Variants in CELF4 observed in about 807,000 individuals in gnomAD.
The protein encoded by CELF4 is CUGBP Elav-like family member 4.
Under a neutral mutation model 59.9 loss-of-function variants are expected in CELF4, and 18 were observed. That is an observed-to-expected ratio of 0.30 (90% CI 0.21 to 0.45). The LOEUF is 0.45. Ranked by LOEUF, CELF4 falls within the 20% of genes least tolerant of loss-of-function variation. The pLI, the probability that CELF4 is intolerant of heterozygous loss-of-function variation, is 1.00. For synonymous variants in CELF4, 261 were observed against 267.1 expected, an observed-to-expected ratio of 0.98 and a Z score of 0.22; for missense variants, 456 against 689.0, an observed-to-expected ratio of 0.66 and a Z score of 3.79.
chr18:37,425,361 A>G (rs2099605308), intron 2 of CELF4, among the ~76,000 whole-genome samples: 1 of 152,218 alleles, frequency 6.6e-6, no homozygotes, highest in African/African-American at 2.4e-5. Context: ...CCGGGGCTCT[A>G]ACCCTTCCCT....
chr18:37,271,030 C>T, intron 7 of CELF4, 113 bp from the exon 8 acceptor site: 1 of 896,892 alleles, frequency 1.1e-6, no homozygotes, highest in East Asian at 2.7e-5. Flanking sequence ...TGCGGATAGA[C>T]TTGGACCTCA....
At chr18:37,318,221 C>A (rs927286938) in intron 3 of CELF4, among the ~76,000 whole-genome samples, 1 of 151,974 alleles carries the variant, frequency 6.6e-6, no homozygotes, top group African/African-American at 2.4e-5. Flanking sequence ...GGCTTCTGCT[C>A]CCCTCGCACC....
intron 2 of CELF4, among the ~76,000 whole-genome samples, chr18:37,374,185 A>G (rs2098937664): frequency 6.6e-6 from 1 of 151,856 alleles, no homozygotes; most frequent in South Asian, 2.1e-4. Flanking sequence ...CCACCTCTTC[A>G]CTCTCCACCT....
chr18:37,269,669 T>C (rs4799438), intron 8 of CELF4, among the ~76,000 whole-genome samples: 21,619 of 152,256 alleles, frequency 0.14, 1,986 homozygotes, highest in South Asian at 0.2. Context: ...TTCCTGCCCA[T>C]CTGTTAATGC....
rs145348116 is a variant in CELF4 at position 37,457,161 on chromosome 18, CT to C, written c.369+28363del. On this transcript the variant is annotated intron_variant, in intron 2 of 12. Transcript: ENST00000420428. The stretch of plus-strand genomic sequence containing the variant: ...AGAGCAGGAGGGCCTCTGAGTGTCT[CT>C]GGTTCTCCTCTTGGGACAAGGCCCT... Among the ~76,000 whole-genome samples the C allele has an allele frequency of 4.4e-3, 667 of 152,288 alleles. 5 individuals are homozygous for C. The highest frequency in any genetic ancestry group is 0.015 in the African/African-American group (639 of 41,558).
At position 37,556,701 on chromosome 18, in the gene CELF4, C is replaced by T. The variant is rs979588794; in HGVS notation, c.286+8655G>A. ...CAGACAGCCTCACTTGTCATGGATG[C>T]CCCCTTGCTTGTCCCTGTAAAGGGA... On this transcript the variant is annotated intron_variant, in intron 1 of 12. Transcript: ENST00000420428. 5.3e-5 allele frequency among the ~76,000 whole-genome samples: 8 copies of T among 152,076 alleles called. No homozygotes were observed. The South Asian group carries it at 6.2e-4, about 12-fold the overall frequency.
chr18:37,263,532 T>C lies in CELF4; in HGVS notation c.1249+1142A>G, dbSNP rs561530887. Reference sequence around the variant, plus strand: ...CCATAGGGGTAGAGAGGATGGGACCTTGTTAGTGTCCTGCCCCCTCAAGCT... The same window carrying C: ...CCATAGGGGTAGAGAGGATGGGACCCTGTTAGTGTCCTGCCCCCTCAAGCT... On this transcript the variant is annotated intron_variant, in intron 10 of 12. Transcript: ENST00000420428. Among the ~76,000 whole-genome samples, 6 of 152,166 alleles carry C rather than the reference T, an allele frequency of 3.9e-5. No homozygotes were observed. In the South Asian group the frequency reaches 1.2e-3, roughly 32 times the overall value.
chr18:37,274,373 G>C lies in CELF4; in HGVS notation c.739C>G (p.Gln247Glu). The C allele has an allele frequency of 6.2e-7, 1 of 1,613,532 alleles. No individual in the cohort carries two copies. Among genetic ancestry groups the C allele is most frequent in the Non-Finnish European group, 8.5e-7 (1 of 1,179,954 alleles). ...TMRRMQQMAG[Q>E]MGMFNPMAIP... is the part of the protein sequence containing the mutation. ...GCCATGGGGTTGAACATGCCCATCT[G>C]GCCAGCCATCTGCTGCATTCGCCGC... The change falls in exon 6 of 13, where the codon CAG (glutamine) becomes GAG (glutamate). Residue 247 changes from glutamine to glutamate, a missense_variant. Physicochemically the swap from Gln to Glu is conservative, Grantham distance 29 (BLOSUM62 2). Transcript: ENST00000420428.
intron 1 of CELF4, among the ~76,000 whole-genome samples, chr18:37,556,087 C>T (rs2099984707): frequency 6.6e-6 from 1 of 152,094 alleles, no homozygotes; most frequent in African/African-American, 2.4e-5. Flanking sequence ...TGTGATGTAG[C>T]GTTTGATCTT....
chr18:37,469,204 C>A (rs1037124414), intron 2 of CELF4, among the ~76,000 whole-genome samples: 1 of 152,136 alleles, frequency 6.6e-6, no homozygotes, highest in Non-Finnish European at 1.5e-5. Context: ...TAATCTTTAA[C>A]CCTTGCCTGA....
At chr18:37,418,423 C>T (rs866611274) in intron 2 of CELF4, among the ~76,000 whole-genome samples, 15 of 152,336 alleles carry the variant, frequency 9.8e-5, no homozygotes, top group Middle Eastern at 6.8e-3. Flanking sequence ...CACCTGCCCC[C>T]CACTGAGCCT....
chr18:37,437,142 A>G (rs2099695330), intron 2 of CELF4, among the ~76,000 whole-genome samples: 3 of 152,098 alleles, frequency 2.0e-5, no homozygotes, highest in South Asian at 4.1e-4. Flanking sequence ...GGTGGCTACA[A>G]GTGTGTACCT....
intron 1 of CELF4, among the ~76,000 whole-genome samples, chr18:37,544,543 C>T (rs1344839591): frequency 2.6e-5 from 4 of 152,158 alleles, no homozygotes; most frequent in Non-Finnish European, 5.9e-5. Context: ...AGAACTTGCA[C>T]GTAATATGTC....
chr18:37,399,303 C>A (rs1339981638), intron 2 of CELF4, among the ~76,000 whole-genome samples: 1 of 152,064 alleles, frequency 6.6e-6, no homozygotes, highest in African/African-American at 2.4e-5. Flanking sequence ...AGAGTGGGTT[C>A]CTGATAAAAA....
intron 2 of CELF4, among the ~76,000 whole-genome samples, chr18:37,323,829 G>T (rs1057448132): frequency 6.6e-6 from 1 of 152,192 alleles, no homozygotes; most frequent in South Asian, 2.1e-4. Flanking sequence ...AAAGCTCTGA[G>T]GAGCGGCAGA....
intron 1 of CELF4, among the ~76,000 whole-genome samples, chr18:37,507,077 G>GCT (rs889361124): frequency 6.6e-5 from 10 of 152,152 alleles, no homozygotes; most frequent in African/African-American, 2.4e-4. Flanking sequence ...GTGACCCAGG[G>GCT]CTCTCTCTCT....
chr18:37,287,165 G>T (rs1195714154), intron 3 of CELF4, among the ~76,000 whole-genome samples: 4 of 152,104 alleles, frequency 2.6e-5, no homozygotes, highest in Non-Finnish European at 5.9e-5. Flanking sequence ...TGGGAGCCCA[G>T]ATGTCAGTAT....
intron 1 of CELF4, among the ~76,000 whole-genome samples, chr18:37,487,136 C>G (rs1018933571): frequency 6.6e-6 from 1 of 152,212 alleles, no homozygotes; most frequent in Non-Finnish European, 1.5e-5. Flanking sequence ...TTGCTTTAGA[C>G]TCTGGTTGCC....
At chr18:37,261,145 T>C (rs1194082796) in intron 10 of CELF4, among the ~76,000 whole-genome samples, 1 of 152,154 alleles carries the variant, frequency 6.6e-6, no homozygotes, top group African/African-American at 2.4e-5. Flanking sequence ...GTGGGGCTCT[T>C]TCTCTTTTAT....
Sources: allele counts gnomAD v4.1 joint callset (sites outside exome capture counted in the v4.1 genomes callset), GRCh38; gene constraint gnomAD v4.1.1; transcripts MANE v1.5; gene names NCBI Gene and HGNC (gene_info 2026-07-23, HGNC 2026-07-21).